Variants in AFG2A observed in about 807,000 individuals in gnomAD.
The protein encoded by AFG2A is AAA ATPase AFG2A.
the AFG2A span, among the ~76,000 whole-genome samples, chr4:123,004,125 T>TA: frequency 1.3e-5 from 2 of 152,272 alleles, no homozygotes; most frequent in South Asian, 4.1e-4. Context: ...GTGCAGGATG[T>TA]AATCTCCTGG....
At chr4:122,953,568 C>T in the AFG2A span, among the ~76,000 whole-genome samples, 1 of 152,252 alleles carries the variant, frequency 6.6e-6, no homozygotes, top group African/African-American at 2.4e-5. Context: ...TCCAGTCTAA[C>T]AGGGTTGACA....
chr4:123,182,142 G>A, the AFG2A span, among the ~76,000 whole-genome samples: 1 of 152,114 alleles, frequency 6.6e-6, no homozygotes, highest in Non-Finnish European at 1.5e-5. Flanking sequence ...ATTGAAATGT[G>A]AAACTAAGAT....
the AFG2A span, among the ~76,000 whole-genome samples, chr4:123,079,515 G>T: frequency 6.6e-6 from 1 of 151,806 alleles, no homozygotes; most frequent in Non-Finnish European, 1.5e-5. Flanking sequence ...CATTCCTTTG[G>T]AACTGTTTAG....
chr4:123,130,504 A>C, the AFG2A span, among the ~76,000 whole-genome samples: 1 of 152,206 alleles, frequency 6.6e-6, no homozygotes, highest in African/African-American at 2.4e-5. Flanking sequence ...AATGTCATAT[A>C]AATGTAATCA....
At chr4:123,160,809 A>G in the AFG2A span, among the ~76,000 whole-genome samples, 3,332 of 151,898 alleles carry the variant, frequency 0.022, 66 homozygotes, top group Non-Finnish European at 0.035. Flanking sequence ...ATTAACTGCT[A>G]TATATAGGTT....
At chr4:123,166,887 C>A in the AFG2A span, among the ~76,000 whole-genome samples, 1 of 152,094 alleles carries the variant, frequency 6.6e-6, no homozygotes, top group African/African-American at 2.4e-5. Context: ...ATCTGCCTGG[C>A]TCCCTGAACT....
the AFG2A span, among the ~76,000 whole-genome samples, chr4:123,165,114 T>C: frequency 6.6e-6 from 1 of 152,174 alleles, no homozygotes; most frequent in Non-Finnish European, 1.5e-5. Context: ...TTCCTTTTAG[T>C]GTAAAAATGA....
At chr4:123,250,224 AAG>A in the AFG2A span, among the ~76,000 whole-genome samples, 2 of 152,226 alleles carry the variant, frequency 1.3e-5, no homozygotes, top group Admixed American at 6.5e-5. Flanking sequence ...ATTTATAAAA[AAG>A]AAAAGGCAGC....
chr4:123,240,522 C>T, the AFG2A span, among the ~76,000 whole-genome samples: 1 of 152,122 alleles, frequency 6.6e-6, no homozygotes, highest in East Asian at 1.9e-4. Context: ...ACAGCCTGCC[C>T]CTGAATGACT....
chr4:122,980,178 A>G, the AFG2A span, among the ~76,000 whole-genome samples: 2 of 152,104 alleles, frequency 1.3e-5, no homozygotes, highest in African/African-American at 4.8e-5. Flanking sequence ...CCTTTATATA[A>G]ATGGAATCAT....
At chr4:123,200,392 C>T in the AFG2A span, among the ~76,000 whole-genome samples, 3 of 152,112 alleles carry the variant, frequency 2.0e-5, no homozygotes, top group South Asian at 6.2e-4. Context: ...GGAGCCCAAG[C>T]GAATTTTATA....
At chr4:123,301,447 A>G in the AFG2A span, among the ~76,000 whole-genome samples, 1 of 152,210 alleles carries the variant, frequency 6.6e-6, no homozygotes, top group African/African-American at 2.4e-5. Flanking sequence ...AAAAAGATAC[A>G]TGAGTGTATA....
chr4:123,043,526 A>T, the AFG2A span, among the ~76,000 whole-genome samples: 1 of 152,218 alleles, frequency 6.6e-6, no homozygotes, highest in South Asian at 2.1e-4. Context: ...ATTTCTCAAC[A>T]TAAGGTCCAT....
chr4:123,216,857 G>A, the AFG2A span, among the ~76,000 whole-genome samples: 1 of 151,836 alleles, frequency 6.6e-6, no homozygotes, highest in Non-Finnish European at 1.5e-5. Context: ...TGGGGAAGTG[G>A]AGGGGCTCAC....
the AFG2A span, among the ~76,000 whole-genome samples, chr4:123,306,027 G>C: frequency 3.0e-4 from 45 of 152,264 alleles, 1 homozygote; most frequent in East Asian, 8.5e-3. Flanking sequence ...CTCACAAGTG[G>C]AGCTGTCTCG....
At chr4:123,011,665 A>T in the AFG2A span, among the ~76,000 whole-genome samples, 1 of 152,232 alleles carries the variant, frequency 6.6e-6, no homozygotes, top group Non-Finnish European at 1.5e-5. Context: ...ATTGGGGTCA[A>T]GCGGTGTTGG....
the AFG2A span, among the ~76,000 whole-genome samples, chr4:123,039,074 T>G: frequency 6.6e-6 from 1 of 152,116 alleles, no homozygotes; most frequent in African/African-American, 2.4e-5. Context: ...ACCATAATCT[T>G]GTACTTTCTA....
At chr4:122,942,024 A>G in the AFG2A span, among the ~76,000 whole-genome samples, 1 of 151,850 alleles carries the variant, frequency 6.6e-6, no homozygotes, top group Non-Finnish European at 1.5e-5. Context: ...GTGCTGCTGG[A>G]TTCGGTTTGC....
At chr4:123,057,155 C>A in the AFG2A span, 1 of 1,586,042 alleles carries the variant, frequency 6.3e-7, no homozygotes, top group African/African-American at 1.3e-5. Flanking sequence ...AAACCAACTA[C>A]AGAATTTTCT....
Sources: gnomAD v4.1 joint callset for allele counts (sites outside exome capture counted in the v4.1 genomes callset) on GRCh38, gnomAD v4.1.1 for gene constraint, MANE v1.5 for transcripts, NCBI Gene and HGNC (gene_info 2026-07-23, HGNC 2026-07-21) for gene names.